DSCAML1: variants seen among roughly 807,000 people sequenced by gnomAD.
DSCAML1 encodes the protein DS cell adhesion molecule like 1.
DSCAML1 carries 38 observed loss-of-function variants against 200.5 expected under a neutral mutation model. That is an observed-to-expected ratio of 0.19 (90% CI 0.15 to 0.25). The LOEUF is 0.25. Among genes scored for constraint, DSCAML1 ranks in the 10% least tolerant of loss-of-function variants. The pLI is 1.00. For synonymous variants in DSCAML1, 1,215 were observed against 1,165.0 expected (o/e 1.04, Z -0.87); for missense variants, 2,223 against 2,858.8 (o/e 0.78, Z 5.07).
intron 3 of DSCAML1, among the ~76,000 whole-genome samples, chr11:117,751,272 C>T (rs556332274): frequency 6.6e-6 from 1 of 152,054 alleles, no homozygotes; most frequent in East Asian, 1.9e-4. Flanking sequence ...ATTTGTGCTA[C>T]ATTATTTGCA....
chr11:117,731,701 T>C (rs1368653812), intron 3 of DSCAML1, among the ~76,000 whole-genome samples: 1 of 152,218 alleles, frequency 6.6e-6, no homozygotes, highest in Admixed American at 6.5e-5. Flanking sequence ...TACATGTAGC[T>C]GTTACATGTC....
At chr11:117,687,426 A>ATTTTT (rs71037492) in intron 3 of DSCAML1, among the ~76,000 whole-genome samples, 47 of 97,636 alleles carry the variant, frequency 4.8e-4, no homozygotes, top group Admixed American at 1.1e-3. Flanking sequence ...ATGCCTGGCT[A>ATTTTT]TTTTTTTTTT....
In DSCAML1 at chr11:117,518,397, A is replaced by G. The variant is rs1214970969; in HGVS notation, c.1510+69T>C. 1.3e-6 allele frequency: 2 copies of G among 1,596,096 alleles called. No individual in the cohort carries two copies. The highest frequency in any genetic ancestry group is 2.2e-5 in the East Asian group (1 of 44,834). ...ATAATAAGTACTAATCAGCACAAGA[A>G]TAATGGTAACCACAGAGATGGCAAA... On this transcript the variant is annotated intron_variant, in intron 7 of 32. Transcript: ENST00000651296. This position sits in a 1 kb window ranked among gnomAD's most constrained non-coding sequence, Gnocchi z 6.3.
At chr11:117,754,038 G>C (rs2054644641) in intron 3 of DSCAML1, among the ~76,000 whole-genome samples, 1 of 152,192 alleles carries the variant, frequency 6.6e-6, no homozygotes, top group Non-Finnish European at 1.5e-5. Context: ...ATGTGGAGAG[G>C]CAGCAAGAAA....
intron 20 of DSCAML1, among the ~76,000 whole-genome samples, chr11:117,450,208 A>G (rs1313570168): frequency 1.3e-5 from 2 of 152,206 alleles, no homozygotes; most frequent in Admixed American, 6.5e-5. Flanking sequence ...CAGAGGGCAC[A>G]GACCAGCCTG....
intron 19 of DSCAML1, among the ~76,000 whole-genome samples, chr11:117,450,943 G>C (rs2048271058): frequency 6.6e-6 from 1 of 152,128 alleles, no homozygotes; most frequent in African/African-American, 2.4e-5. Flanking sequence ...TGTTTGGCCA[G>C]AACCAAGGAC....
intron 3 of DSCAML1, among the ~76,000 whole-genome samples, chr11:117,677,348 C>T (rs957148046): frequency 2.0e-5 from 3 of 152,134 alleles, no homozygotes; most frequent in African/African-American, 2.4e-5. Context: ...ATAGAATGGG[C>T]ATCGAATGAG....
chr11:117,668,585 G>A (rs138270383), intron 3 of DSCAML1: 1 of 152,244 alleles, frequency 6.6e-6, no homozygotes, highest in Non-Finnish European at 1.5e-5. Flanking sequence ...GCCCAGGCAG[G>A]CACCTGTGCC....
At chr11:117,561,545 C>A (rs113783290) in intron 3 of DSCAML1, among the ~76,000 whole-genome samples, 173 of 152,314 alleles carry the variant, frequency 1.1e-3, no homozygotes, top group African/African-American at 3.9e-3. Context: ...GCTCCATCCA[C>A]CCAGAACCTC....
intron 3 of DSCAML1, among the ~76,000 whole-genome samples, chr11:117,626,097 A>T (rs963172908): frequency 3.3e-5 from 5 of 152,002 alleles, no homozygotes; most frequent in Admixed American, 2.6e-4. Flanking sequence ...TCTGGAGCTG[A>T]GCTCTGGGTA....
intron 17 of DSCAML1, 44 bp downstream of exon 17, chr11:117,464,898 C>A: frequency 1.2e-6 from 2 of 1,600,018 alleles, no homozygotes; most frequent in Non-Finnish European, 1.7e-6. Context: ...TGGCTCTGCC[C>A]ATGGCAGGAA....
intron 24 of DSCAML1, 140 bp from the exon 25 acceptor site, chr11:117,438,223 C>T: frequency 1.4e-6 from 1 of 733,720 alleles, no homozygotes; most frequent in Non-Finnish European, 2.2e-6. Context: ...GGCATATGCT[C>T]CTTAGAAGCA....
chr11:117,433,452 T>A lies in DSCAML1; in HGVS notation c.4896A>T (p.Glu1632Asp), dbSNP rs1244056919. 21 of 1,613,214 alleles carry A rather than the reference T, an allele frequency of 1.3e-5. No individual in the cohort carries two copies. The highest frequency in any genetic ancestry group is 1.7e-5 in the Non-Finnish European group (20 of 1,179,872). Residue 1632 changes from glutamate (E) to aspartate (D), a missense_variant, in exon 28 of 33, where the codon GAA (glutamate) becomes GAT (aspartate). By Grantham distance (45) the Glu-to-Asp change is conservative. Around this residue, in one of 7 missense-constraint regions of DSCAML1, gnomAD observed 614 missense variants for 739.1 expected, o/e 0.83. Transcript: ENST00000651296. ...TTGGTGATACCCACCTTATCAACAT[T>A]TCTGCCAAACTCTTTGCATCTGCAA... ...KRLRDAKSLA[E>D]MLISKNNRSF...
intron 27 of DSCAML1, 69 bp from the exon 28 acceptor site, chr11:117,433,540 G>T: frequency 6.5e-7 from 1 of 1,545,792 alleles, no homozygotes; most frequent in Non-Finnish European, 8.8e-7. Flanking sequence ...AATGGGAGAG[G>T]CATGGGAAAC....
At chr11:117,604,513 T>A (rs1477230490) in intron 3 of DSCAML1, among the ~76,000 whole-genome samples, 4 of 152,060 alleles carry the variant, frequency 2.6e-5, no homozygotes, top group Non-Finnish European at 5.9e-5. Flanking sequence ...AATAATGAAC[T>A]GGCACGAGGC....
intron 17 of DSCAML1, among the ~76,000 whole-genome samples, chr11:117,464,314 G>A (rs1374571359): frequency 6.6e-6 from 1 of 152,136 alleles, no homozygotes; most frequent in Non-Finnish European, 1.5e-5. Context: ...TTCTCAACCT[G>A]GTGCGGGCTC....
At chr11:117,679,456 C>T (rs2053275812) in intron 3 of DSCAML1, among the ~76,000 whole-genome samples, 1 of 152,240 alleles carries the variant, frequency 6.6e-6, no homozygotes, top group East Asian at 1.9e-4. Flanking sequence ...TGAAACTTGG[C>T]TGTGATTGCT....
At chr11:117,477,618 C>T (rs988967149) in intron 14 of DSCAML1, among the ~76,000 whole-genome samples, 2 of 152,114 alleles carry the variant, frequency 1.3e-5, no homozygotes, top group Admixed American at 1.3e-4. Context: ...TTAGAAGAGA[C>T]AGAAGAAGTT....
At chr11:117,800,172 C>T (rs979464091), upstream of DSCAML1, among the ~76,000 whole-genome samples, 2 of 152,140 alleles carry the variant, frequency 1.3e-5, no homozygotes, top group Non-Finnish European at 2.9e-5. Context: ...GACAGGTTGG[C>T]TCAGATGTAT....
Sources: allele counts gnomAD v4.1 joint callset (sites outside exome capture counted in the v4.1 genomes callset), GRCh38; gene constraint gnomAD v4.1.1; regional missense constraint gnomAD v4.1.1; non-coding constraint Gnocchi (gnomAD v3.1); transcripts MANE v1.5; gene names NCBI Gene and HGNC (gene_info 2026-07-23, HGNC 2026-07-21).